PLXNB1: variants seen among roughly 807,000 people sequenced by gnomAD.
PLXNB1 encodes plexin B1, also known as plexin-B1.
A neutral mutation model predicts 209.4 loss-of-function variants in PLXNB1; 106 were observed. The ratio of observed to expected loss-of-function variants is 0.51; its 90% confidence interval spans 0.43 to 0.59. The LOEUF (loss-of-function observed/expected upper bound fraction) is 0.59, where lower values mean the gene tolerates loss of function less well. Among genes scored for constraint, PLXNB1 ranks in the 20% least tolerant of loss-of-function variants. The pLI is 0.00. For synonymous variants in PLXNB1, 1,167 were observed against 1,183.2 expected, an observed-to-expected ratio of 0.99 and a Z score of 0.28; for missense variants, 2,357 against 2,853.2, an observed-to-expected ratio of 0.83 and a Z score of 3.96.
At position 48,419,644 on chromosome 3, in the gene PLXNB1, G is replaced by A; in HGVS notation, c.2642C>T (p.Pro881Leu). The A allele has an allele frequency of 6.2e-7, 1 of 1,612,630 alleles. No homozygotes were observed. Among genetic ancestry groups the A allele is most frequent in the Non-Finnish European group, 8.5e-7 (1 of 1,179,936 alleles). The part of the protein sequence containing the change: ...GDGDSAELEG[P>L]PAPLILPSSL... ...GGACGGGAGGATGAGGGGGGCGGGA[G>A]GGCCCTCAAGCTCTGCTGAGTCTCC... The change falls in exon 11 of 38, where the codon CCT becomes CTT. Residue 881 changes from proline (P) to leucine (L), a missense_variant. Physicochemically the swap from Pro to Leu is moderately conservative, Grantham distance 98. Around this residue, in one of 7 missense-constraint regions of PLXNB1, gnomAD observed 410 missense variants for 401.0 expected, o/e 1.02. Coordinates refer to ENST00000296440, the MANE Select transcript of PLXNB1 (RefSeq NM_001130082.3). This position sits in a 1 kb window ranked among gnomAD's most constrained non-coding sequence, Gnocchi z 5.7.
chr3:48,407,406 T>G lies in PLXNB1; in HGVS notation c.6088-315A>C, dbSNP rs140396743. Among the ~76,000 whole-genome samples the G allele has an allele frequency of 5.5e-3, 843 of 152,184 alleles. 6 individuals are homozygous for G. The highest frequency in any genetic ancestry group is 0.017 in the Middle Eastern group (5 of 294). ...GGTACGTAGGGCAGGACGCATGCTGTTCACTCCCAGGGTCATCATTTTAAA... is the reference window on the plus strand; with the variant it reads ...GGTACGTAGGGCAGGACGCATGCTGGTCACTCCCAGGGTCATCATTTTAAA... On this transcript the variant is annotated intron_variant, in intron 34 of 37. Transcript: ENST00000296440.
rs2037260658 is a variant in PLXNB1, at chr3:48,405,495, C to T, written c.6303+229G>A. Among the ~76,000 whole-genome samples the T allele has an allele frequency of 6.6e-6, 1 of 152,206 alleles. No individual in the cohort carries two copies. Among genetic ancestry groups the T allele is most frequent in the Admixed American group, 6.5e-5 (1 of 15,290 alleles). On this transcript the variant is annotated intron_variant, in intron 37 of 37. Transcript: ENST00000296440. The surrounding 1 kb of genome is among the most constrained non-coding windows in gnomAD (Gnocchi z 5.0). ...CCACAACCACCAGCACTGTGCCTCG[C>T]CGTCCTGCTGGGGAGCTGGAATGGG...
At chr3:48,412,647 A>G in intron 25 of PLXNB1, 27 bp from the exon 26 acceptor site, 1 of 1,612,194 alleles carries the variant, frequency 6.2e-7, no homozygotes. Context: ...GGGATGGGAA[A>G]AGGGGTTTAG....
chr3:48,412,124 G>C lies in PLXNB1; in HGVS notation c.5100+114C>G, dbSNP rs113390668. 3,746 of 1,476,856 alleles carry C rather than the reference G, an allele frequency of 2.5e-3. 68 individuals carry two copies. In the African/African-American group the frequency reaches 0.044, roughly 17 times the overall value. The allele number at this position is 1,476,856 out of a possible 1,614,324, so 91.5% of individuals were successfully genotyped here. ...CTTAAGGGGACTGAGGACAGGCTGAGCAGGAGTCTCTGCTCTGGCACAAGT... is the reference window on the plus strand; with the variant it reads ...CTTAAGGGGACTGAGGACAGGCTGACCAGGAGTCTCTGCTCTGGCACAAGT... On this transcript the variant is annotated intron_variant, in intron 27 of 37. Coordinates refer to ENST00000296440, the MANE Select transcript of PLXNB1 (RefSeq NM_001130082.3).
Position 48,412,916 on chromosome 3 carries a change from G to GC in PLXNB1, c.4679dup (p.Ser1561GlnfsTer33). 1 of 1,614,142 alleles carries GC rather than the reference G, an allele frequency of 6.2e-7. No individual in the cohort carries two copies. Among genetic ancestry groups the GC allele is most frequent in the South Asian group, 1.1e-5 (1 of 91,088 alleles). Reference sequence around the variant, plus strand: ...TGTAGTCGAGGAAGGGGATGCCGCTGCCCAGGAGGTCACTGGTGAGATCGG... The same window carrying GC: ...TGTAGTCGAGGAAGGGGATGCCGCTGCCCCAGGAGGTCACTGGTGAGATCGG... On this transcript the variant is annotated frameshift_variant, in exon 25 of 38. Coordinates refer to ENST00000296440, the MANE Select transcript of PLXNB1 (RefSeq NM_001130082.3). LOFTEE classifies it high-confidence loss of function.
intron 24 of PLXNB1, 30 bp from the exon 25 acceptor site, chr3:48,412,989 C>T: frequency 6.2e-7 from 1 of 1,611,386 alleles, no homozygotes. Context: ...AGGTTAAGCA[C>T]CTGTTAAGCA....
At chr3:48,428,246 C>T (rs544184257) in intron 1 of PLXNB1, among the ~76,000 whole-genome samples, 2 of 152,288 alleles carry the variant, frequency 1.3e-5, no homozygotes, top group East Asian at 3.9e-4. Flanking sequence ...AATGACCAGG[C>T]CAGGGCAGAC....
In PLXNB1 at chr3:48,415,219, G is replaced by A. The variant is rs780783476; in HGVS notation, c.3923C>T (p.Pro1308Leu). Residue 1308 changes from proline to leucine, a missense_variant, in exon 20 of 38, where the codon CCG becomes CTG. By Grantham distance (98) the Pro-to-Leu change is moderately conservative. This residue lies in a region of PLXNB1 where 743 missense variants were observed against 896.2 expected (regional missense o/e 0.83). Transcript: ENST00000296440. The surrounding 1 kb of genome is among the most constrained non-coding windows in gnomAD (Gnocchi z 5.0). ...QGLGRRRRVVPETACSLGPSC... is the reference protein window; with the variant it reads ...QGLGRRRRVVLETACSLGPSC... ...GGGTCCAAGGGAACATGCCGTCTCC[G>A]GGACCACGCGACGCCTCCGTCCAAG... 1.8e-5 allele frequency: 29 copies of A among 1,613,462 alleles called. No individual in the cohort carries two copies. Among genetic ancestry groups the A allele is most frequent in the South Asian group, 1.4e-4 (13 of 91,080 alleles).
In PLXNB1 at chr3:48,414,041, C is replaced by T. The variant is rs944583718; in HGVS notation, c.4240G>A (p.Glu1414Lys). 1 of 1,613,954 alleles carries T rather than the reference C, an allele frequency of 6.2e-7. No individual in the cohort carries two copies. The highest frequency in any genetic ancestry group is 8.5e-7 in the Non-Finnish European group (1 of 1,179,948). Residue 1414 changes from glutamate (E) to lysine (K), a missense_variant, in exon 22 of 38, where the codon GAG becomes AAG. Glu to Lys is a moderately conservative substitution (Grantham distance 56, BLOSUM62 1). Around this residue, in one of 7 missense-constraint regions of PLXNB1, gnomAD observed 743 missense variants for 896.2 expected, o/e 0.83. Coordinates refer to ENST00000296440, the MANE Select transcript of PLXNB1 (RefSeq NM_001130082.3). Reference sequence around the variant, plus strand: ...TCCCCTATCATAGCCACCACCTCCTCCTTGGACATTGCAAGGTCCAGGTTC... The same window carrying T: ...TCCCCTATCATAGCCACCACCTCCTTCTTGGACATTGCAAGGTCCAGGTTC... ...GENLDLAMSKEEVVAMIGDGP... is the reference protein window; with the variant it reads ...GENLDLAMSKKEVVAMIGDGP...
chr3:48,419,293 T>C lies in PLXNB1; in HGVS notation c.2783A>G (p.His928Arg). Residue 928 changes from histidine (H) to arginine (R), a missense_variant, in exon 12 of 38, where the codon CAT becomes CGT. This residue lies in a region of PLXNB1 where 410 missense variants were observed against 401.0 expected (regional missense o/e 1.02). Coordinates refer to ENST00000296440, the MANE Select transcript of PLXNB1 (RefSeq NM_001130082.3). This position sits in a 1 kb window ranked among gnomAD's most constrained non-coding sequence, Gnocchi z 5.7. Reference sequence around the variant, plus strand: ...TAGCAGCCGGATTTCCCGCTCCACATGGACCGGCATCAACGTGGAGCCCTG... The same window carrying C: ...TAGCAGCCGGATTTCCCGCTCCACACGGACCGGCATCAACGTGGAGCCCTG... ...SVQGSTLMPVHVEREIRLLGR... is the reference protein window; with the variant it reads ...SVQGSTLMPVRVEREIRLLGR... 1 of 1,598,662 alleles carries C rather than the reference T, an allele frequency of 6.3e-7. No individual in the cohort carries two copies. Among genetic ancestry groups the C allele is most frequent in the Non-Finnish European group, 8.5e-7 (1 of 1,170,176 alleles).
chr3:48,424,580 G>C lies in PLXNB1; in HGVS notation c.32C>G (p.Ala11Gly). 1.9e-6 allele frequency: 3 copies of C among 1,544,636 alleles called. No homozygotes were observed. Among genetic ancestry groups the C allele is most frequent in the Non-Finnish European group, 2.6e-6 (3 of 1,148,976 alleles). Residue 11 changes from alanine to glycine, a missense_variant, in exon 3 of 38, where the codon GCT (alanine) becomes GGT (glycine). By Grantham distance (60) the Ala-to-Gly change is moderately conservative. Coordinates refer to ENST00000296440, the MANE Select transcript of PLXNB1 (RefSeq NM_001130082.3). ...GGTGAGGACCCACCCGGCCCAGAGA[G>C]CCTGGAGAAGAGCTGGGCCCAGAGC... The part of the protein sequence containing the change: MPALGPALLQ[A>G]LWAGWVLTLQ...
At chr3:48,422,596 G>A in intron 4 of PLXNB1, 137 bp from the exon 5 acceptor site, 3 of 1,278,946 alleles carry the variant, frequency 2.3e-6, no homozygotes, top group Middle Eastern at 4.4e-4. Context: ...AACTGGCCTA[G>A]CGGGGATGGA....
chr3:48,421,344 C>A lies in PLXNB1; in HGVS notation c.1694G>T (p.Gly565Val). The change falls in exon 8 of 38, where the codon GGG (glycine) becomes GTG (valine). Residue 565 changes from glycine to valine, a missense_variant. By Grantham distance (109) the Gly-to-Val change is moderately radical (BLOSUM62 -3). This residue lies in a region of PLXNB1 where 214 missense variants were observed against 297.1 expected (regional missense o/e 0.72). Coordinates refer to ENST00000296440, the MANE Select transcript of PLXNB1 (RefSeq NM_001130082.3). ...SVPDLPPLWP[G>V]ESYSCHFGEH... ...CCCAAAGTGGCAGGAATATGACTCCCCTGGCCACAGGGGTGGCAGGTCTGG... is the reference window on the plus strand; with the variant it reads ...CCCAAAGTGGCAGGAATATGACTCCACTGGCCACAGGGGTGGCAGGTCTGG... 4 of 1,573,458 alleles carry A rather than the reference C, an allele frequency of 2.5e-6. No individual in the cohort carries two copies. Among genetic ancestry groups the A allele is most frequent in the Non-Finnish European group, 3.5e-6 (4 of 1,156,442 alleles).
Position 48,430,042 on chromosome 3 carries a change from A to C in PLXNB1, c.-94T>G, listed in dbSNP as rs1423121878. On this transcript the variant is annotated 5_prime_UTR_variant, in exon 1 of 38. Coordinates refer to ENST00000296440, the MANE Select transcript of PLXNB1 (RefSeq NM_001130082.3). The stretch of plus-strand genomic sequence containing the variant: ...AAGGCGCCTTGTTTCTCCCCTGCGC[A>C]CCTGGCCCTGCCCACCGCCCCTGCT... 6.6e-6 allele frequency: 1 copy of C among 152,036 alleles called. No homozygotes were observed. The highest frequency in any genetic ancestry group is 2.4e-5 in the African/African-American group (1 of 41,198). 9.4% of individuals were successfully genotyped at this position (152,036 alleles called of 1,614,324 possible).
rs964833951 is a variant in PLXNB1 at position 48,419,444 on chromosome 3, G to T, written c.2710-78C>A. On this transcript the variant is annotated intron_variant, in intron 11 of 37. Transcript: ENST00000296440. This position sits in a 1 kb window ranked among gnomAD's most constrained non-coding sequence, Gnocchi z 5.7. ...CCCTCTGCCTTGCCAGATTCCAGAG[G>T]CAAGGCCGGTGTGGGGCTGCAGACT... The T allele has an allele frequency of 2.0e-6, 3 of 1,508,986 alleles. No homozygotes were observed. Among genetic ancestry groups the T allele is most frequent in the Non-Finnish European group, 2.7e-6 (3 of 1,124,416 alleles). 93.5% of individuals were successfully genotyped at this position (1,508,986 alleles called of 1,614,324 possible). A position where few individuals can be genotyped will look rare whatever the true frequency, so the allele number is the denominator to read the frequency against.
chr3:48,425,126 A>G (rs1406033045), intron 2 of PLXNB1, among the ~76,000 whole-genome samples, 155 bp downstream of exon 2: 1 of 152,242 alleles, frequency 6.6e-6, no homozygotes, highest in Non-Finnish European at 1.5e-5. Context: ...AGGAATCCAG[A>G]AGGGTAATAA....
Position 48,411,589 on chromosome 3 carries a change from G to A in PLXNB1, c.5247+274C>T, listed in dbSNP as rs2037687180. Among the ~76,000 whole-genome samples the A allele has an allele frequency of 6.6e-6, 1 of 152,200 alleles. No individual in the cohort carries two copies. The highest frequency in any genetic ancestry group is 2.4e-5 in the African/African-American group (1 of 41,436). ...GACACAGCTCAAGCCCATGGTCTAA[G>A]GTAGGGCTGGCTTCTCCCAAACCCT... On this transcript the variant is annotated intron_variant, in intron 28 of 37. Transcript: ENST00000296440. This position sits in a 1 kb window ranked among gnomAD's most constrained non-coding sequence, Gnocchi z 4.0.
Position 48,405,842 on chromosome 3 carries a change from A to G in PLXNB1, c.6229-44T>C, listed in dbSNP as rs760153943. 3.9e-6 allele frequency: 6 copies of G among 1,532,054 alleles called. No homozygotes were observed. Among genetic ancestry groups the G allele is most frequent in the East Asian group, 2.3e-5 (1 of 44,354 alleles). The allele number at this position is 1,532,054 out of a possible 1,614,324, so 94.9% of individuals were successfully genotyped here. ...GAAAGGTGAGAGAGACGAGGGGTGC[A>G]GAGAGCCACAGGAGGCAGCCCAGGA... On this transcript the variant is annotated intron_variant, in intron 36 of 37. Coordinates refer to ENST00000296440, the MANE Select transcript of PLXNB1 (RefSeq NM_001130082.3). This position sits in a 1 kb window ranked among gnomAD's most constrained non-coding sequence, Gnocchi z 5.0.
At chr3:48,412,670 G>A in intron 25 of PLXNB1, 50 bp from the exon 26 acceptor site, 3 of 1,605,666 alleles carry the variant, frequency 1.9e-6, no homozygotes, top group African/African-American at 2.7e-5. Flanking sequence ...GGACAGAGGG[G>A]CGGGCTCAGA....
Sources: gnomAD v4.1 joint callset for allele counts (sites outside exome capture counted in the v4.1 genomes callset) on GRCh38, gnomAD v4.1.1 for gene constraint, gnomAD v4.1.1 regional missense constraint, Gnocchi (gnomAD v3.1) non-coding constraint, MANE v1.5 for transcripts, NCBI Gene and HGNC (gene_info 2026-07-23, HGNC 2026-07-21) for gene names.